Variants in CDK19 observed in about 807,000 individuals in gnomAD.
CDK19 encodes the protein cyclin-dependent kinase 19.
Under a neutral mutation model 68.3 loss-of-function variants are expected in CDK19, and 20 were observed. That is an observed-to-expected ratio of 0.29 (90% CI 0.21 to 0.43). The LOEUF (loss-of-function observed/expected upper bound fraction) is 0.43, where lower values mean the gene tolerates loss of function less well. CDK19 is among the 20% of genes least tolerant of loss of function. The pLI, the probability that CDK19 is intolerant of heterozygous loss-of-function variation, is 1.00. For synonymous variants in CDK19, 221 were observed against 222.8 expected, an observed-to-expected ratio of 0.99 and a Z score of 0.07; for missense variants, 339 against 623.5, an observed-to-expected ratio of 0.54 and a Z score of 4.86.
Position 110,746,110 on chromosome 6 carries a change from AT to A in CDK19, c.204+15del. On this transcript the variant is annotated intron_variant, in intron 2 of 12. Transcript: ENST00000368911. ...TATCAATAATAAAATAAATAACTGT[AT>A]TTGTATCCACTTACTGCAATCTCTC... 1 of 1,451,686 alleles carries A rather than the reference AT, an allele frequency of 6.9e-7. No homozygotes were observed. The allele number at this position is 1,451,686 out of a possible 1,614,324, so 89.9% of individuals were successfully genotyped here.
At chr6:110,659,966 A>G (rs1435921835) in intron 4 of CDK19, among the ~76,000 whole-genome samples, 1 of 152,198 alleles carries the variant, frequency 6.6e-6, no homozygotes, top group Non-Finnish European at 1.5e-5. Flanking sequence ...TAAATAAAAA[A>G]TGACAATAAC....
chr6:110,765,988 T>C (rs942665571), intron 1 of CDK19, among the ~76,000 whole-genome samples: 30 of 152,106 alleles, frequency 2.0e-4, no homozygotes, highest in Admixed American at 1.6e-3. Context: ...AACTCTTATA[T>C]ACTGTTGGTG....
intron 4 of CDK19, among the ~76,000 whole-genome samples, chr6:110,647,299 A>G (rs559042911): frequency 3.3e-5 from 5 of 151,764 alleles, no homozygotes; most frequent in Non-Finnish European, 7.4e-5. Flanking sequence ...ACAATGGAAC[A>G]GAAAGCCATG....
intron 1 of CDK19, among the ~76,000 whole-genome samples, chr6:110,795,254 A>T (rs943914009): frequency 6.6e-6 from 1 of 152,256 alleles, no homozygotes; most frequent in African/African-American, 2.4e-5. Context: ...TACAAGTGTG[A>T]GTCACCATGC....
At chr6:110,802,414 ATAAG>A (rs140882236) in intron 1 of CDK19, among the ~76,000 whole-genome samples, 23,743 of 152,182 alleles carry the variant, frequency 0.16, 2,048 homozygotes, top group East Asian at 0.32. Flanking sequence ...CCTAAGTGAA[ATAAG>A]TAAGAAAACA....
At chr6:110,810,581 C>T (rs1156769462) in intron 1 of CDK19, among the ~76,000 whole-genome samples, 1 of 152,056 alleles carries the variant, frequency 6.6e-6, no homozygotes, top group Non-Finnish European at 1.5e-5. Flanking sequence ...TCGAGACCAG[C>T]CTAACCAACA....
At chr6:110,711,087 GA>G (rs397885772) in intron 2 of CDK19, among the ~76,000 whole-genome samples, 1 of 151,680 alleles carries the variant, frequency 6.6e-6, no homozygotes, top group South Asian at 2.1e-4. Context: ...ATTTTATGGA[GA>G]AAAAAAATTC....
chr6:110,740,297 G>C (rs910861979), intron 2 of CDK19, among the ~76,000 whole-genome samples: 2 of 152,030 alleles, frequency 1.3e-5, no homozygotes, highest in Non-Finnish European at 2.9e-5. Context: ...AGATCACAGA[G>C]GCCACAAATG....
intron 4 of CDK19, among the ~76,000 whole-genome samples, chr6:110,648,218 A>C (rs946078040): frequency 6.6e-6 from 1 of 152,238 alleles, no homozygotes; most frequent in African/African-American, 2.4e-5. Flanking sequence ...ACTATAAAAC[A>C]ATAATTAAAG....
chr6:110,765,015 G>C (rs1176419881), intron 1 of CDK19, among the ~76,000 whole-genome samples: 1 of 144,538 alleles, frequency 6.9e-6, no homozygotes, highest in Non-Finnish European at 1.5e-5. Context: ...AGAAAACCTA[G>C]ATGACCTTGG....
chr6:110,672,055 C>T (rs1386274734), intron 2 of CDK19, among the ~76,000 whole-genome samples: 1 of 152,024 alleles, frequency 6.6e-6, no homozygotes, highest in Admixed American at 6.6e-5. Flanking sequence ...AGAGAGTTTG[C>T]CATTTTGAAC....
chr6:110,743,963 T>G (rs937344188), intron 2 of CDK19, among the ~76,000 whole-genome samples: 2 of 149,982 alleles, frequency 1.3e-5, no homozygotes, highest in Non-Finnish European at 3.0e-5. Flanking sequence ...ATGTGACAAA[T>G]CACTTACCAA....
intron 4 of CDK19, among the ~76,000 whole-genome samples, chr6:110,658,899 G>GATATTCAGGAACTCTGGAGCT (rs1473745162): frequency 6.6e-6 from 1 of 152,152 alleles, no homozygotes; most frequent in Non-Finnish European, 1.5e-5. Flanking sequence ...AAGAAAATGA[G>GATATTCAGGAACTCTGGAGCT]ATATTCAGGA....
chr6:110,697,634 ATTC>A (rs1201323571), intron 2 of CDK19, among the ~76,000 whole-genome samples: 5 of 152,072 alleles, frequency 3.3e-5, no homozygotes, highest in Admixed American at 2.0e-4. Context: ...TACCGTCATC[ATTC>A]TTCACAGAAC....
At chr6:110,772,135 T>C (rs548909209) in intron 1 of CDK19, among the ~76,000 whole-genome samples, 8 of 152,234 alleles carry the variant, frequency 5.3e-5, no homozygotes, top group African/African-American at 1.9e-4. Flanking sequence ...ACTTACTATA[T>C]TAGTCCGTTT....
chr6:110,762,677 C>A (rs1404241474), intron 1 of CDK19, among the ~76,000 whole-genome samples: 2 of 152,164 alleles, frequency 1.3e-5, no homozygotes, highest in African/African-American at 4.8e-5. Context: ...TCATTAATAT[C>A]AGTTCCTCCA....
At chr6:110,755,937 A>T (rs572350059) in intron 1 of CDK19, among the ~76,000 whole-genome samples, 1 of 152,190 alleles carries the variant, frequency 6.6e-6, no homozygotes, top group Admixed American at 6.5e-5. Context: ...GAGGGAATGG[A>T]CTCAAGAGGC....
intron 4 of CDK19, among the ~76,000 whole-genome samples, chr6:110,653,553 G>A (rs1396038487): frequency 6.6e-6 from 1 of 152,152 alleles, no homozygotes; most frequent in Non-Finnish European, 1.5e-5. Context: ...ATACTGCTGG[G>A]TTTGCACACT....
intron 4 of CDK19, among the ~76,000 whole-genome samples, chr6:110,641,033 G>C (rs1780114213): frequency 6.6e-6 from 1 of 152,008 alleles, no homozygotes; most frequent in Non-Finnish European, 1.5e-5. Flanking sequence ...AGTGAGAAGA[G>C]GAAGATTTGG....
Sources: gnomAD v4.1 joint callset for allele counts (sites outside exome capture counted in the v4.1 genomes callset) on GRCh38, gnomAD v4.1.1 for gene constraint, MANE v1.5 for transcripts, NCBI Gene and HGNC (gene_info 2026-07-23, HGNC 2026-07-21) for gene names.